The following PPFIA2 variants were observed in gnomAD, a reference collection of about 807,000 sequenced individuals.
The protein encoded by PPFIA2 is PPFI scaffold protein A2, also known as liprin-alpha-2.
PPFIA2 carries 46 observed loss-of-function variants against 175.5 expected under a neutral mutation model. The observed-to-expected ratio is 0.26, with a 90% CI of 0.21 to 0.34. The LOEUF is 0.34. Ranked by LOEUF, PPFIA2 falls within the 10% of genes least tolerant of loss-of-function variation. PPFIA2 has a pLI of 1.00. For missense variants in PPFIA2, 1,179 were observed against 1,506.1 expected, an observed-to-expected ratio of 0.78 and a Z score of 3.60; for synonymous variants, 568 against 511.4, an observed-to-expected ratio of 1.11 and a Z score of -1.49.
intron 3 of PPFIA2, among the ~76,000 whole-genome samples, chr12:81,693,293 T>C (rs947087102): frequency 1.3e-5 from 2 of 152,044 alleles, no homozygotes; most frequent in Non-Finnish European, 2.9e-5. Flanking sequence ...TGGGTGGTGT[T>C]TGGATCATGG....
chr12:81,423,061 C>A (rs1490446337), intron 7 of PPFIA2, among the ~76,000 whole-genome samples: 1 of 151,896 alleles, frequency 6.6e-6, no homozygotes, highest in Non-Finnish European at 1.5e-5. Flanking sequence ...TACAATCTGC[C>A]AATACTGAAT....
chr12:81,707,023 A>G (rs1176908112), intron 3 of PPFIA2, among the ~76,000 whole-genome samples: 1 of 152,210 alleles, frequency 6.6e-6, no homozygotes, highest in African/African-American at 2.4e-5. Flanking sequence ...AATCAATTCA[A>G]GATGGATTAA....
At chr12:81,636,354 CT>C (rs2064035803) in intron 4 of PPFIA2, among the ~76,000 whole-genome samples, 1 of 149,714 alleles carries the variant, frequency 6.7e-6, no homozygotes, top group East Asian at 2.0e-4. Context: ...CAAGCTCCGC[CT>C]CCCGGGTTCA....
intron 22 of PPFIA2, among the ~76,000 whole-genome samples, chr12:81,324,681 T>C (rs1390529780): frequency 1.3e-5 from 2 of 151,980 alleles, no homozygotes; most frequent in African/African-American, 2.4e-5. Flanking sequence ...TATTTAAATA[T>C]ATTTTTGAGT....
In PPFIA2 at chr12:81,679,956, G is replaced by A. The variant is rs1286531132; in HGVS notation, c.250-3112C>T. 2.0e-5 allele frequency among the ~76,000 whole-genome samples: 3 copies of A among 152,016 alleles called. No homozygotes were observed. In the East Asian group the frequency reaches 5.8e-4, roughly 30 times the overall value. On this transcript the variant is annotated intron_variant, in intron 3 of 32. Transcript: ENST00000549396. ...GCTTTCAAATGATAACTAAAAGTGA[G>A]TCAATATTTTTGATGGTTGTTGAAT...
At chr12:81,528,446 G>A (rs2064017492) in intron 4 of PPFIA2, among the ~76,000 whole-genome samples, 2 of 152,052 alleles carry the variant, frequency 1.3e-5, no homozygotes, top group Non-Finnish European at 2.9e-5. Flanking sequence ...AAACCTGGCT[G>A]ATTTATAAGT....
chr12:81,573,853 T>A (rs1183496617), intron 4 of PPFIA2, among the ~76,000 whole-genome samples: 1 of 151,966 alleles, frequency 6.6e-6, no homozygotes, highest in Non-Finnish European at 1.5e-5. Context: ...TCCAAGGTCC[T>A]ACTGTGGTCA....
intron 7 of PPFIA2, among the ~76,000 whole-genome samples, chr12:81,420,758 G>A (rs1284095397): frequency 1.3e-5 from 2 of 151,828 alleles, no homozygotes; most frequent in African/African-American, 4.8e-5. Context: ...CATATTTAGA[G>A]AAATAACAGC....
chr12:81,306,902 T>C (rs915502195), intron 22 of PPFIA2, among the ~76,000 whole-genome samples: 5 of 152,160 alleles, frequency 3.3e-5, no homozygotes, highest in African/African-American at 1.2e-4. Flanking sequence ...TTTCCTCAAA[T>C]GTCTAAAAGA....
chr12:81,495,169 C>T (rs2059899281), intron 4 of PPFIA2, among the ~76,000 whole-genome samples: 2 of 152,034 alleles, frequency 1.3e-5, no homozygotes, highest in African/African-American at 4.8e-5. Flanking sequence ...CAATCATCCC[C>T]TAACAGAAAT....
chr12:81,284,313 A>T lies in PPFIA2; in HGVS notation c.2926-10T>A. The T allele has an allele frequency of 6.4e-7, 1 of 1,567,504 alleles. No individual in the cohort carries two copies. The highest frequency in any genetic ancestry group is 1.1e-5 in the South Asian group (1 of 87,878). On this transcript the variant is annotated splice_polypyrimidine_tract_variant and intron_variant, in intron 24 of 32. Coordinates refer to ENST00000549396, the MANE Select transcript of PPFIA2 (RefSeq NM_003625.5). Reference sequence around the variant, plus strand: ...AAACGTTGCCTGAAGGCTAGTGAGGAGGCCCAGAGGGAAGCAGAGGAATCC... The same window carrying T: ...AAACGTTGCCTGAAGGCTAGTGAGGTGGCCCAGAGGGAAGCAGAGGAATCC...
chr12:81,306,920 TA>T (rs141379347), intron 22 of PPFIA2, among the ~76,000 whole-genome samples: 13 of 152,314 alleles, frequency 8.5e-5, no homozygotes, highest in African/African-American at 3.1e-4. Flanking sequence ...AGATTATTTT[TA>T]ATCTTCATTA....
At chr12:81,537,233 G>A (rs928563652) in intron 4 of PPFIA2, among the ~76,000 whole-genome samples, 1 of 151,690 alleles carries the variant, frequency 6.6e-6, no homozygotes, top group South Asian at 2.1e-4. Context: ...AATTCTGCTG[G>A]GACAATTATG....
chr12:81,399,356 C>T (rs1031693807), intron 8 of PPFIA2, among the ~76,000 whole-genome samples: 2 of 140,620 alleles, frequency 1.4e-5, no homozygotes, highest in African/African-American at 5.3e-5. Context: ...ACAAATGATA[C>T]TTCTTACTGA....
At chr12:81,437,536 G>A (rs925593139) in intron 7 of PPFIA2, among the ~76,000 whole-genome samples, 3 of 151,928 alleles carry the variant, frequency 2.0e-5, no homozygotes, top group African/African-American at 4.8e-5. Context: ...CCTGGCCTAT[G>A]GGACACTTTT....
intron 17 of PPFIA2, among the ~76,000 whole-genome samples, chr12:81,352,892 T>C (rs188576793): frequency 1.3e-5 from 2 of 152,292 alleles, no homozygotes; most frequent in Admixed American, 1.3e-4. Flanking sequence ...ATGTTTCATG[T>C]ATGTTCCTTA....
At chr12:81,499,417 A>C (rs1394828548) in intron 4 of PPFIA2, among the ~76,000 whole-genome samples, 2 of 151,976 alleles carry the variant, frequency 1.3e-5, no homozygotes, top group Non-Finnish European at 2.9e-5. Context: ...GGTTAGAAGC[A>C]ATGCCTTCAG....
chr12:81,504,460 G>C (rs571935333), intron 4 of PPFIA2, among the ~76,000 whole-genome samples: 13 of 152,270 alleles, frequency 8.5e-5, no homozygotes, highest in Non-Finnish European at 1.8e-4. Context: ...TCTCACACCA[G>C]TTAGAATGGC....
chr12:81,435,184 C>T (rs1015208460), intron 7 of PPFIA2, among the ~76,000 whole-genome samples: 1 of 152,142 alleles, frequency 6.6e-6, no homozygotes, highest in Non-Finnish European at 1.5e-5. Context: ...GAGCATAAGG[C>T]ACTTTTGTGT....
Sources: allele counts gnomAD v4.1 joint callset (sites outside exome capture counted in the v4.1 genomes callset), GRCh38; gene constraint gnomAD v4.1.1; transcripts MANE v1.5; gene names NCBI Gene and HGNC (gene_info 2026-07-23, HGNC 2026-07-21).